Variants in GDAP1 observed in about 807,000 individuals in gnomAD.
The protein encoded by GDAP1 is ganglioside-induced differentiation-associated protein 1.
Under a neutral mutation model 40.1 loss-of-function variants are expected in GDAP1, and 34 were observed. The ratio of observed to expected loss-of-function variants is 0.85; its 90% CI spans 0.64 to 1.13. The LOEUF is 1.13. Among genes scored for constraint, GDAP1 ranks in the 50% most tolerant of loss-of-function variants. GDAP1 has a pLI of 0.00. For missense variants in GDAP1, 374 were observed against 433.7 expected (o/e 0.86, Z 1.22); for synonymous variants, 170 against 157.4 (o/e 1.08, Z -0.60).
At chr8:74,422,510 T>TCCTTCCTTCCTC (rs1805890874) in intron 2 of GDAP1, among the ~76,000 whole-genome samples, 1 of 32,198 alleles carries the variant, frequency 3.1e-5, no homozygotes, top group African/African-American at 6.0e-5. Flanking sequence ...CTTCCTTCCT[T>TCCTTCCTTCCTC]CCTTCCTTCC....
intron 2 of GDAP1, among the ~76,000 whole-genome samples, chr8:74,374,889 G>C (rs1809825269): frequency 6.6e-6 from 1 of 152,050 alleles, no homozygotes; most frequent in Non-Finnish European, 1.5e-5. Flanking sequence ...AGGCCTAAAT[G>C]GTTTTATTAG....
intron 2 of GDAP1, among the ~76,000 whole-genome samples, chr8:74,357,372 A>G (rs1809152194): frequency 6.6e-6 from 1 of 152,232 alleles, no homozygotes; most frequent in African/African-American, 2.4e-5. Context: ...ACTCTTGGGA[A>G]AACCAAATGT....
chr8:74,481,374 A>G (rs1000036990), intron 2 of GDAP1, among the ~76,000 whole-genome samples: 1 of 152,234 alleles, frequency 6.6e-6, no homozygotes, highest in African/African-American at 2.4e-5. Context: ...TTTGGTTACT[A>G]GTATATAGAC....
At chr8:74,459,945 AT>A (rs1311783865) in intron 2 of GDAP1, among the ~76,000 whole-genome samples, 3 of 152,322 alleles carry the variant, frequency 2.0e-5, no homozygotes, top group African/African-American at 7.2e-5. Flanking sequence ...TTACTTCCTA[AT>A]GCAATATGTG....
chr8:74,389,054 A>C (rs1420497403), intron 2 of GDAP1, among the ~76,000 whole-genome samples: 2 of 151,574 alleles, frequency 1.3e-5, no homozygotes, highest in Non-Finnish European at 2.9e-5. Flanking sequence ...CCATCCCTCT[A>C]TTTTGAGCCT....
At chr8:74,370,928 CAT>C (rs1319345427), downstream of GDAP1, among the ~76,000 whole-genome samples, 1 of 152,126 alleles carries the variant, frequency 6.6e-6, no homozygotes, top group Non-Finnish European at 1.5e-5. Flanking sequence ...AAGACATAAT[CAT>C]AAATACATAT....
At chr8:74,389,501 G>GC (rs887438754) in intron 2 of GDAP1, among the ~76,000 whole-genome samples, 2 of 152,048 alleles carry the variant, frequency 1.3e-5, no homozygotes, top group African/African-American at 2.4e-5. Flanking sequence ...TTGAATATTG[G>GC]CCCCCACTCT....
At chr8:74,398,753 C>G (rs1477851307) in intron 2 of GDAP1, among the ~76,000 whole-genome samples, 2 of 151,906 alleles carry the variant, frequency 1.3e-5, no homozygotes, top group Non-Finnish European at 2.9e-5. Flanking sequence ...GAGTTTTTAG[C>G]ATGAAGAGTT....
chr8:74,397,367 T>C (rs370848043), intron 2 of GDAP1, among the ~76,000 whole-genome samples: 2 of 152,038 alleles, frequency 1.3e-5, no homozygotes, highest in African/African-American at 2.4e-5. Flanking sequence ...TTAATTAGAT[T>C]CCATTTGTCA....
chr8:74,362,343 T>C (rs1809410633), intron 4 of GDAP1, among the ~76,000 whole-genome samples: 1 of 152,182 alleles, frequency 6.6e-6, no homozygotes, highest in Admixed American at 6.5e-5. Context: ...CTGAGGAGTG[T>C]GCTTTATGGT....
At chr8:74,412,354 G>A (rs1805725594) in intron 2 of GDAP1, among the ~76,000 whole-genome samples, 1 of 150,154 alleles carries the variant, frequency 6.7e-6, no homozygotes, top group Admixed American at 6.6e-5. Context: ...TGAAGTTCCA[G>A]AAAGAGCAAA....
rs75679991 is a variant in GDAP1 at position 74,471,456 on chromosome 8, T to TAA, written c.166-17215_166-17214dup. Among the ~76,000 whole-genome samples, 743 of 146,642 alleles carry TAA rather than the reference T, an allele frequency of 5.1e-3. 5 individuals carry two copies. Among genetic ancestry groups the TAA allele is most frequent in the African/African-American group, 0.011 (440 of 40,728 alleles). On this transcript the variant is annotated intron_variant, in intron 2 of 2. Transcript: ENST00000523640. ...TCAGAGTAAATTTTCCTTTTTTTTT[T>TAA]AAAAAAAATAATTCCTTCCTTTTGT... is the stretch of plus-strand genomic sequence containing the variant.
At chr8:74,439,217 CAT>C (rs1175943630) in intron 2 of GDAP1, among the ~76,000 whole-genome samples, 3 of 151,768 alleles carry the variant, frequency 2.0e-5, no homozygotes, top group African/African-American at 7.3e-5. Flanking sequence ...CATATATATA[CAT>C]GTTATATATA....
Position 74,350,568 on chromosome 8 carries a change from G to A in GDAP1, c.107G>A (p.Ser36Asn). The A allele has an allele frequency of 6.3e-7, 1 of 1,593,598 alleles. No individual in the cohort carries two copies. Among genetic ancestry groups the A allele is most frequent in the Non-Finnish European group, 8.6e-7 (1 of 1,161,288 alleles). ...LILYHWTHSF[S>N]SQKVRLVIAE... ...CTGTACCATTGGACGCATTCCTTCAGCTCTCAAAAGGTACAACAGGCCTTG... is the reference window on the plus strand; with the variant it reads ...CTGTACCATTGGACGCATTCCTTCAACTCTCAAAAGGTACAACAGGCCTTG... Residue 36 changes from serine to asparagine, a missense_variant, in exon 1 of 6, where the codon AGC (serine) becomes AAC (asparagine). By Grantham distance (46) the Ser-to-Asn change is conservative. Coordinates refer to ENST00000220822, the MANE Select transcript of GDAP1 (RefSeq NM_018972.4).
In GDAP1 at chr8:74,430,497, A is replaced by G. The variant is rs1806011591; in HGVS notation, c.166-58181A>G. On this transcript the variant is annotated intron_variant, in intron 2 of 2. Transcript: ENST00000523640. ...TCTTTATGATATATTGCCCACTGGA[A>G]TAAAGCAATGTAGAGTAAAGTGTAT... Among the ~76,000 whole-genome samples the G allele has an allele frequency of 2.0e-5, 3 of 152,206 alleles. No homozygotes were observed. The South Asian group carries it at 6.2e-4, about 31-fold the overall frequency.
intron 2 of GDAP1, among the ~76,000 whole-genome samples, chr8:74,467,170 G>A (rs948507841): frequency 1.3e-5 from 2 of 152,212 alleles, no homozygotes; most frequent in Non-Finnish European, 2.9e-5. Context: ...GACAGCAGTA[G>A]AGAAGGAGTT....
Position 74,350,581 on chromosome 8 carries a change from A to G in GDAP1, c.117+3A>G. On this transcript the variant is annotated splice_donor_region_variant and intron_variant, in intron 1 of 5. Coordinates refer to ENST00000220822, the MANE Select transcript of GDAP1 (RefSeq NM_018972.4). ...CGCATTCCTTCAGCTCTCAAAAGGT[A>G]CAACAGGCCTTGGCGGCGGAGGGTG... 2 of 1,543,910 alleles carry G rather than the reference A, an allele frequency of 1.3e-6. No individual in the cohort carries two copies. Among genetic ancestry groups the G allele is most frequent in the South Asian group, 1.1e-5 (1 of 89,726 alleles).
chr8:74,433,796 G>T lies in GDAP1; in HGVS notation c.166-54882G>T, dbSNP rs151307748. Among the ~76,000 whole-genome samples, 13 of 152,272 alleles carry T rather than the reference G, an allele frequency of 8.5e-5. No individual in the cohort carries two copies. The East Asian group carries it at 2.3e-3, about 27-fold the overall frequency. On this transcript the variant is annotated intron_variant, in intron 2 of 2. Coordinates refer to the GDAP1 transcript ENST00000523640. ...GGCACTAGCCCAGACCTTCAGGAGG[G>T]TATGGTAAAGGTCAGCCACACAGGA...
intron 2 of GDAP1, among the ~76,000 whole-genome samples, chr8:74,354,202 C>T (rs1490908382): frequency 6.6e-6 from 1 of 152,110 alleles, no homozygotes; most frequent in Non-Finnish European, 1.5e-5. Context: ...TGTTTTTATA[C>T]TTTATTTTAA....
Sources: allele counts gnomAD v4.1 joint callset (sites outside exome capture counted in the v4.1 genomes callset), GRCh38; gene constraint gnomAD v4.1.1; transcripts MANE v1.5; gene names NCBI Gene and HGNC (gene_info 2026-07-23, HGNC 2026-07-21).